NTNG1: variants seen among roughly 807,000 people sequenced by gnomAD.
The protein encoded by NTNG1 is netrin G1.
In NTNG1, 16 loss-of-function variants were observed where a neutral mutation model predicts 54.0. The ratio of observed to expected loss-of-function variants is 0.30; its 90% CI spans 0.20 to 0.45. The LOEUF is 0.45. Ranked by LOEUF, NTNG1 falls within the 20% of genes least tolerant of loss-of-function variation. The pLI, the probability that NTNG1 is intolerant of heterozygous loss-of-function variation, is 1.00. For synonymous variants in NTNG1, 255 were observed against 263.1 expected, an observed-to-expected ratio of 0.97 and a Z score of 0.30; for missense variants, 530 against 678.7, an observed-to-expected ratio of 0.78 and a Z score of 2.43.
At chr1:107,469,097 C>CAAAA (rs35394442) in intron 7 of NTNG1, among the ~76,000 whole-genome samples, 38 of 115,588 alleles carry the variant, frequency 3.3e-4, no homozygotes, top group African/African-American at 1.2e-3. Flanking sequence ...AACTCCATTT[C>CAAAA]AAAAAAAAAA....
chr1:107,212,112 A>G (rs1203331006), intron 2 of NTNG1, among the ~76,000 whole-genome samples: 5 of 152,166 alleles, frequency 3.3e-5, no homozygotes, highest in Non-Finnish European at 7.4e-5. Context: ...GGAAAGCATT[A>G]TATGAGAACT....
intron 2 of NTNG1, among the ~76,000 whole-genome samples, chr1:107,312,342 TG>T (rs551100126): frequency 1.5e-3 from 231 of 152,198 alleles, no homozygotes; most frequent in African/African-American, 5.0e-3. Context: ...GAAGCACAGG[TG>T]GGGGAGTAGG....
At chr1:107,291,615 C>T (rs1665609359) in intron 2 of NTNG1, among the ~76,000 whole-genome samples, 1 of 152,034 alleles carries the variant, frequency 6.6e-6, no homozygotes. Context: ...TTATCAACTG[C>T]TTGAAATATA....
intron 2 of NTNG1, among the ~76,000 whole-genome samples, chr1:107,247,612 T>A (rs1662288353): frequency 6.6e-6 from 1 of 152,190 alleles, no homozygotes; most frequent in Admixed American, 6.6e-5. Context: ...CTTGACCTTT[T>A]CCCTCCCCTC....
At chr1:107,383,458 T>G (rs879210958) in intron 3 of NTNG1, among the ~76,000 whole-genome samples, 1 of 152,212 alleles carries the variant, frequency 6.6e-6, no homozygotes, top group East Asian at 1.9e-4. Context: ...AAGAAATATT[T>G]CACTTATGTG....
chr1:107,436,718 T>G lies in NTNG1; in HGVS notation c.1309T>G (p.Phe437Val). The G allele has an allele frequency of 6.2e-7, 1 of 1,613,390 alleles. No homozygotes were observed. Among genetic ancestry groups the G allele is most frequent in the Non-Finnish European group, 8.5e-7 (1 of 1,179,518 alleles). Residue 437 changes from phenylalanine (F) to valine (V), a missense_variant, in exon 7 of 8, where the codon TTT (phenylalanine) becomes GTT (valine). By Grantham distance (50) the Phe-to-Val change is conservative. Coordinates refer to ENST00000370068, the MANE Select transcript of NTNG1 (RefSeq NM_001113226.3). Reference protein sequence around the residue: ...SIHDRCNGSGFCECKTGTTGP... With the variant: ...SIHDRCNGSGVCECKTGTTGP... ...CCATGATCGTTGTAATGGCTCAGGATTTTGTGAGTGTAAGACTGGAACAAC... is the reference window on the plus strand; with the variant it reads ...CCATGATCGTTGTAATGGCTCAGGAGTTTGTGAGTGTAAGACTGGAACAAC...
intron 3 of NTNG1, among the ~76,000 whole-genome samples, chr1:107,362,596 A>C (rs976416794): frequency 6.6e-6 from 1 of 152,204 alleles, no homozygotes; most frequent in African/African-American, 2.4e-5. Context: ...TGAGCTTTGG[A>C]GTCTGAAGAC....
chr1:107,185,426 A>C (rs1468544479), intron 2 of NTNG1, among the ~76,000 whole-genome samples: 2 of 151,782 alleles, frequency 1.3e-5, no homozygotes, highest in African/African-American at 4.8e-5. Flanking sequence ...TTATCTTTAC[A>C]CGGCCTTCTT....
At chr1:107,242,996 G>A (rs1475420517) in intron 2 of NTNG1, among the ~76,000 whole-genome samples, 5 of 152,216 alleles carry the variant, frequency 3.3e-5, no homozygotes, top group African/African-American at 1.2e-4. Context: ...ATTACTTAGA[G>A]GTAAGGTTGC....
At chr1:107,452,709 C>T (rs1676699871) in intron 7 of NTNG1, among the ~76,000 whole-genome samples, 1 of 152,112 alleles carries the variant, frequency 6.6e-6, no homozygotes, top group African/African-American at 2.4e-5. Flanking sequence ...TGTCTGCTTC[C>T]CCTTTGACCT....
At chr1:107,261,305 A>G (rs1481461824) in intron 2 of NTNG1, among the ~76,000 whole-genome samples, 1 of 152,206 alleles carries the variant, frequency 6.6e-6, no homozygotes, top group Admixed American at 6.5e-5. Context: ...TTTAGTCACA[A>G]CTATGATAAA....
intron 2 of NTNG1, among the ~76,000 whole-genome samples, chr1:107,299,484 C>T (rs1570619756): frequency 6.6e-6 from 1 of 152,228 alleles, no homozygotes; most frequent in South Asian, 2.1e-4. Context: ...TTTTTAGGCA[C>T]TTGCTATCTG....
chr1:107,426,476 T>A (rs187026413), intron 5 of NTNG1, among the ~76,000 whole-genome samples: 1 of 152,182 alleles, frequency 6.6e-6, no homozygotes, highest in East Asian at 1.9e-4. Context: ...TCAGAGGTTG[T>A]AGGGTATGTG....
chr1:107,222,774 C>G (rs1382060590), intron 2 of NTNG1, among the ~76,000 whole-genome samples: 1 of 149,166 alleles, frequency 6.7e-6, no homozygotes, highest in South Asian at 2.1e-4. Flanking sequence ...AGGCCTGAGC[C>G]TAGAGAAAGG....
intron 2 of NTNG1, among the ~76,000 whole-genome samples, chr1:107,239,372 G>A (rs1661657737): frequency 6.6e-6 from 1 of 152,170 alleles, no homozygotes; most frequent in Non-Finnish European, 1.5e-5. Flanking sequence ...AAATGAATGG[G>A]TGGGACAGGT....
At chr1:107,410,310 T>A (rs1248806013) in intron 5 of NTNG1, 1 of 152,154 alleles carries the variant, frequency 6.6e-6, no homozygotes, top group African/African-American at 2.4e-5. Context: ...TAAATTTCAG[T>A]ATAGATCTCA....
intron 2 of NTNG1, among the ~76,000 whole-genome samples, chr1:107,198,521 G>A (rs1487364245): frequency 2.0e-5 from 3 of 151,930 alleles, no homozygotes; most frequent in Non-Finnish European, 4.4e-5. Context: ...CCCATCTTTA[G>A]TGGGGAGAAA....
chr1:107,378,555 C>T (rs1030520493), intron 3 of NTNG1, among the ~76,000 whole-genome samples: 2 of 152,090 alleles, frequency 1.3e-5, no homozygotes, highest in Non-Finnish European at 2.9e-5. Flanking sequence ...GTCACAGCCA[C>T]GGGAGCTGGG....
At chr1:107,306,283 C>T (rs1666691858) in intron 2 of NTNG1, among the ~76,000 whole-genome samples, 3 of 152,086 alleles carry the variant, frequency 2.0e-5, no homozygotes, top group Admixed American at 2.0e-4. Context: ...AAGTTACTAG[C>T]GAGGTATTCT....
Sources: allele counts gnomAD v4.1 joint callset (sites outside exome capture counted in the v4.1 genomes callset), GRCh38; gene constraint gnomAD v4.1.1; transcripts MANE v1.5; gene names NCBI Gene and HGNC (gene_info 2026-07-23, HGNC 2026-07-21).